The following GABRB1 variants were observed in gnomAD, a reference collection of about 807,000 sequenced individuals.
GABRB1 encodes gamma-aminobutyric acid receptor subunit beta-1.
Under a neutral mutation model 51.6 loss-of-function variants are expected in GABRB1, and 17 were observed. The ratio of observed to expected loss-of-function variants is 0.33; its 90% CI spans 0.23 to 0.49. The LOEUF is 0.49. Among genes scored for constraint, GABRB1 ranks in the 20% least tolerant of loss-of-function variants. The pLI, the probability that GABRB1 is intolerant of heterozygous loss-of-function variation, is 0.99. For missense variants in GABRB1, 410 were observed against 600.6 expected, an observed-to-expected ratio of 0.68 and a Z score of 3.32; for synonymous variants, 247 against 218.9, an observed-to-expected ratio of 1.13 and a Z score of -1.14.
chr4:47,385,996 C>A (rs1360515780), intron 5 of GABRB1, among the ~76,000 whole-genome samples: 1 of 152,206 alleles, frequency 6.6e-6, no homozygotes, highest in Non-Finnish European at 1.5e-5. Flanking sequence ...GCATGCCACC[C>A]TCCCAGCACC....
rs555180511 is a variant in GABRB1, at chr4:47,051,535, T to G, written c.240+19051T>G. On this transcript the variant is annotated intron_variant, in intron 3 of 8. Transcript: ENST00000295454. ...TTGCAGTGTTGTAAAACATCATTGC[T>G]TCTCCACTTCCTCATAAAGGCTTTT... 1.1e-4 allele frequency among the ~76,000 whole-genome samples: 17 copies of G among 152,216 alleles called. 1 individual carries two copies. Among genetic ancestry groups the G allele is most frequent in the Admixed American group, 3.3e-4 (5 of 15,280 alleles).
rs148156931 is a variant in GABRB1, at chr4:47,127,573, G to A, written c.241-33676G>A. Among the ~76,000 whole-genome samples, 516 of 151,198 alleles carry A rather than the reference G, an allele frequency of 3.4e-3. 1 individual carries two copies. Among genetic ancestry groups the A allele is most frequent in the East Asian group, 0.015 (75 of 5,152 alleles). ...AATTCATTAGCCATTAAAGTGATTTGGCATGTAGTTTCTCTCTCCTAGTGT... is the reference window on the plus strand; with the variant it reads ...AATTCATTAGCCATTAAAGTGATTTAGCATGTAGTTTCTCTCTCCTAGTGT... On this transcript the variant is annotated intron_variant, in intron 3 of 8. Coordinates refer to ENST00000295454, the MANE Select transcript of GABRB1 (RefSeq NM_000812.4).
At chr4:47,173,405 T>C (rs1718527007) in intron 4 of GABRB1, among the ~76,000 whole-genome samples, 1 of 152,170 alleles carries the variant, frequency 6.6e-6, no homozygotes, top group African/African-American at 2.4e-5. Context: ...TCTCTTTTGG[T>C]TCAAGAATAT....
intron 3 of GABRB1, among the ~76,000 whole-genome samples, chr4:47,048,720 G>T (rs181734705): frequency 1.7e-4 from 26 of 152,168 alleles, no homozygotes; most frequent in African/African-American, 5.3e-4. Context: ...CACAGATAAA[G>T]AACTGAGTCC....
intron 3 of GABRB1, among the ~76,000 whole-genome samples, chr4:47,047,379 A>G (rs1207615454): frequency 6.6e-6 from 1 of 152,092 alleles, no homozygotes; most frequent in Non-Finnish European, 1.5e-5. Context: ...CTATAAAGCA[A>G]CCATATGAAG....
chr4:47,072,601 C>T (rs1030885684), intron 3 of GABRB1, among the ~76,000 whole-genome samples: 9 of 152,066 alleles, frequency 5.9e-5, no homozygotes, highest in African/African-American at 1.2e-4. Context: ...TTTGATAATG[C>T]CTCTCTAATA....
chr4:47,121,985 A>G (rs1385458543), intron 3 of GABRB1, among the ~76,000 whole-genome samples: 1 of 102,490 alleles, frequency 9.8e-6, no homozygotes. Context: ...CATACCCAGA[A>G]AAAAGGCATG....
At chr4:47,162,710 C>T (rs1718015315) in intron 4 of GABRB1, among the ~76,000 whole-genome samples, 2 of 151,992 alleles carry the variant, frequency 1.3e-5, no homozygotes, top group South Asian at 4.1e-4. Flanking sequence ...TATCCTGATT[C>T]CCATGCCTGT....
intron 5 of GABRB1, among the ~76,000 whole-genome samples, chr4:47,324,214 C>T (rs762826902): frequency 2.6e-5 from 4 of 152,172 alleles, no homozygotes; most frequent in South Asian, 2.1e-4. Flanking sequence ...TTATTCTTCA[C>T]CACCATTCCG....
intron 4 of GABRB1, among the ~76,000 whole-genome samples, chr4:47,271,298 G>A (rs1722863748): frequency 6.6e-6 from 1 of 151,920 alleles, no homozygotes; most frequent in Admixed American, 6.6e-5. Context: ...AGATAAGCTT[G>A]GATAATAAAA....
At chr4:47,092,815 A>C (rs1204410690) in intron 3 of GABRB1, among the ~76,000 whole-genome samples, 2 of 151,992 alleles carry the variant, frequency 1.3e-5, no homozygotes, top group Non-Finnish European at 2.9e-5. Context: ...TGGTTTCGCC[A>C]TCTTGGCCAG....
At chr4:47,403,873 C>T (rs528345147) in intron 7 of GABRB1, among the ~76,000 whole-genome samples, 162 bp downstream of exon 7, 13 of 152,136 alleles carry the variant, frequency 8.5e-5, no homozygotes, top group Non-Finnish European at 1.5e-4. Context: ...ATGTCCACAA[C>T]GAATATTCTA....
chr4:47,022,232 C>T (rs947439847), intron 1 of GABRB1, among the ~76,000 whole-genome samples: 1 of 151,914 alleles, frequency 6.6e-6, no homozygotes, highest in Non-Finnish European at 1.5e-5. Flanking sequence ...CTATAGTAAT[C>T]CTTATGTATT....
At chr4:47,304,570 T>TTCA (rs1724378762) in intron 4 of GABRB1, among the ~76,000 whole-genome samples, 1 of 152,158 alleles carries the variant, frequency 6.6e-6, no homozygotes, top group African/African-American at 2.4e-5. Flanking sequence ...ATTCTTTCAT[T>TTCA]TCATAGGCTG....
At chr4:47,070,634 C>A (rs1727295840) in intron 3 of GABRB1, among the ~76,000 whole-genome samples, 1 of 152,160 alleles carries the variant, frequency 6.6e-6, no homozygotes, top group Admixed American at 6.6e-5. Flanking sequence ...GCCCGGCCTG[C>A]ACTTGCCCTT....
rs533952286 is a variant in GABRB1, at chr4:47,334,313, A to G, written c.544+14104A>G. Among the ~76,000 whole-genome samples the G allele has an allele frequency of 2.6e-5, 4 of 152,304 alleles. No homozygotes were observed. In the East Asian group the frequency reaches 7.7e-4, roughly 29 times the overall value. ...CCTGTCCTCCTCAATCTATTTTCCCAGCCTGTTTGCTTCCTAATGTGATTT... is the reference window on the plus strand; with the variant it reads ...CCTGTCCTCCTCAATCTATTTTCCCGGCCTGTTTGCTTCCTAATGTGATTT... On this transcript the variant is annotated intron_variant, in intron 5 of 8. Coordinates refer to ENST00000295454, the MANE Select transcript of GABRB1 (RefSeq NM_000812.4).
chr4:47,177,754 C>T (rs1718760133), intron 4 of GABRB1, among the ~76,000 whole-genome samples: 1 of 151,334 alleles, frequency 6.6e-6, no homozygotes, highest in Non-Finnish European at 1.5e-5. Context: ...TATAAAGTGG[C>T]TGTAATGATA....
chr4:47,263,338 T>C (rs2109882305), intron 4 of GABRB1, among the ~76,000 whole-genome samples: 1 of 152,210 alleles, frequency 6.6e-6, no homozygotes, highest in South Asian at 2.1e-4. Flanking sequence ...ACTCTTAAAA[T>C]AACCCATCGG....
chr4:47,164,549 G>A (rs1718090541), intron 4 of GABRB1, among the ~76,000 whole-genome samples: 1 of 152,032 alleles, frequency 6.6e-6, no homozygotes, highest in Admixed American at 6.6e-5. Context: ...ATATTAATGA[G>A]CAGGTTTTAG....
Sources: allele counts gnomAD v4.1 joint callset (sites outside exome capture counted in the v4.1 genomes callset), GRCh38; gene constraint gnomAD v4.1.1; transcripts MANE v1.5; gene names NCBI Gene and HGNC (gene_info 2026-07-23, HGNC 2026-07-21).